Variants in GLIS3 observed in about 807,000 individuals in gnomAD.
The protein encoded by GLIS3 is GLIS family zinc finger 3.
GLIS3 carries 53 observed loss-of-function variants against 78.6 expected under a neutral mutation model. The observed-to-expected ratio is 0.67, with a 90% CI of 0.54 to 0.85. GLIS3 has a LOEUF of 0.85. GLIS3 is among the 40% of genes least tolerant of loss of function. The pLI, the probability that GLIS3 is intolerant of heterozygous loss-of-function variation, is 0.00. For synonymous variants in GLIS3, 684 were observed against 509.9 expected (o/e 1.34, Z -4.60); for missense variants, 1,703 against 1,231.1 (o/e 1.38, Z -5.74).
intron 4 of GLIS3, among the ~76,000 whole-genome samples, chr9:4,079,629 C>T (rs568808918): frequency 1.3e-5 from 2 of 152,164 alleles, no homozygotes; most frequent in African/African-American, 4.8e-5. Context: ...CAAGCATGTC[C>T]CCAGTGCTGG....
At chr9:4,417,741 G>A in the GLIS3 span, among the ~76,000 whole-genome samples, 2 of 152,186 alleles carry the variant, frequency 1.3e-5, no homozygotes, top group African/African-American at 2.4e-5. Context: ...TACATTATGT[G>A]AGAATTCCTG....
chr9:4,168,954 T>C (rs756244294), intron 2 of GLIS3, among the ~76,000 whole-genome samples: 2 of 152,148 alleles, frequency 1.3e-5, no homozygotes, highest in Non-Finnish European at 2.9e-5. Flanking sequence ...GTAGAAAAAA[T>C]ATGAGTTATT....
At chr9:4,432,798 G>A in the GLIS3 span, among the ~76,000 whole-genome samples, 53 of 151,762 alleles carry the variant, frequency 3.5e-4, no homozygotes, top group African/African-American at 1.2e-3. Flanking sequence ...CCGCCACCAC[G>A]CCCGGCTAAT....
At chr9:4,368,661 C>T in the GLIS3 span, among the ~76,000 whole-genome samples, 1 of 152,142 alleles carries the variant, frequency 6.6e-6, no homozygotes, top group Non-Finnish European at 1.5e-5. Context: ...TGCACAAGAC[C>T]CCTCTTCTTA....
intron 4 of GLIS3, among the ~76,000 whole-genome samples, chr9:4,079,057 C>G (rs1828323761): frequency 6.6e-6 from 1 of 152,152 alleles, no homozygotes; most frequent in Non-Finnish European, 1.5e-5. Flanking sequence ...TTAATGCAAA[C>G]AAGATATTTC....
intron 4 of GLIS3, among the ~76,000 whole-genome samples, chr9:4,043,930 G>T (rs1164675070): frequency 1.3e-5 from 2 of 152,234 alleles, no homozygotes; most frequent in East Asian, 3.8e-4. Flanking sequence ...AGCAGAACCT[G>T]ACACCTGCAG....
intron 2 of GLIS3, among the ~76,000 whole-genome samples, chr9:4,271,076 C>G (rs936145327): frequency 3.3e-5 from 5 of 151,984 alleles, no homozygotes; most frequent in African/African-American, 1.2e-4. Context: ...AATGTGAAGA[C>G]AATGAGAATG....
At chr9:3,923,110 A>C (rs1260345288) in intron 6 of GLIS3, among the ~76,000 whole-genome samples, 4 of 152,208 alleles carry the variant, frequency 2.6e-5, no homozygotes, top group African/African-American at 9.6e-5. Context: ...TGGATAAGCC[A>C]CTTATCTAAA....
At chr9:4,223,604 C>T (rs985552446) in intron 2 of GLIS3, among the ~76,000 whole-genome samples, 1 of 152,168 alleles carries the variant, frequency 6.6e-6, no homozygotes, top group African/African-American at 2.4e-5. Flanking sequence ...TAAAACACCA[C>T]GTGAACAACC....
intron 5 of GLIS3, chr9:3,932,963 G>C (rs1476604391): frequency 3.2e-5 from 9 of 283,918 alleles, no homozygotes; most frequent in Non-Finnish European, 2.1e-5. Flanking sequence ...GAGAAAATTA[G>C]TGTAAAGTGA....
At chr9:4,387,755 A>G in the GLIS3 span, among the ~76,000 whole-genome samples, 1 of 152,218 alleles carries the variant, frequency 6.6e-6, no homozygotes, top group Non-Finnish European at 1.5e-5. Context: ...ATTTCCCCAT[A>G]GGCCAAAATT....
intron 3 of GLIS3, among the ~76,000 whole-genome samples, 196 bp downstream of exon 3, chr9:4,125,538 C>A (rs1213021680): frequency 6.6e-6 from 1 of 152,110 alleles, no homozygotes; most frequent in South Asian, 2.1e-4. Context: ...AAGCATTCCT[C>A]CCAATTAAGA....
intron 6 of GLIS3, among the ~76,000 whole-genome samples, chr9:3,930,280 A>T (rs1220458721): frequency 6.6e-6 from 1 of 152,248 alleles, no homozygotes; most frequent in East Asian, 1.9e-4. Flanking sequence ...GAAAACAGTG[A>T]ACATCAAAAG....
Position 4,040,590 on chromosome 9 carries a change from T to G in GLIS3, c.1710+77178A>C, listed in dbSNP as rs1412498885. ...GAAAAATATTCAATCAATAAGGATA[T>G]AGAAGGAATGGAAAAAATCTGAACG... is the stretch of plus-strand genomic sequence containing the variant. On this transcript the variant is annotated intron_variant, in intron 4 of 10. Transcript: ENST00000381971. 2.0e-5 allele frequency among the ~76,000 whole-genome samples: 3 copies of G among 152,208 alleles called. No homozygotes were observed. In the East Asian group the frequency reaches 5.8e-4, roughly 29 times the overall value.
chr9:4,298,208 C>T (rs993532137), intron 1 of GLIS3, among the ~76,000 whole-genome samples: 3 of 152,026 alleles, frequency 2.0e-5, no homozygotes, highest in African/African-American at 4.8e-5. Context: ...GCCTGTAGCC[C>T]GGGGGCGCCA....
At chr9:3,920,422 T>A (rs1281690518) in intron 6 of GLIS3, among the ~76,000 whole-genome samples, 1 of 152,156 alleles carries the variant, frequency 6.6e-6, no homozygotes, top group Non-Finnish European at 1.5e-5. Context: ...ATCAATTTCA[T>A]GCTTAATATT....
chr9:3,966,749 C>G (rs376091919), intron 4 of GLIS3, among the ~76,000 whole-genome samples: 13 of 151,308 alleles, frequency 8.6e-5, no homozygotes, highest in African/African-American at 3.2e-4. Flanking sequence ...GATCGCGCCA[C>G]TGCACTCCAG....
chr9:4,384,659 T>C, the GLIS3 span, among the ~76,000 whole-genome samples: 1 of 152,012 alleles, frequency 6.6e-6, no homozygotes, highest in East Asian at 1.9e-4. Flanking sequence ...ATCCCTAACC[T>C]AAATCATGGT....
chr9:3,918,802 G>C (rs935380983), intron 6 of GLIS3, among the ~76,000 whole-genome samples: 2 of 152,144 alleles, frequency 1.3e-5, no homozygotes, highest in African/African-American at 4.8e-5. Context: ...TAATCAATTT[G>C]AGTCACCCTC....
Sources: gnomAD v4.1 joint callset for allele counts (sites outside exome capture counted in the v4.1 genomes callset) on GRCh38, gnomAD v4.1.1 for gene constraint, MANE v1.5 for transcripts, NCBI Gene and HGNC (gene_info 2026-07-23, HGNC 2026-07-21) for gene names.